MAN1C1: variants seen among roughly 807,000 people sequenced by gnomAD.
MAN1C1 encodes mannosidase alpha class 1C member 1.
A neutral mutation model predicts 71.5 loss-of-function variants in MAN1C1; 49 were observed. The ratio of observed to expected loss-of-function variants is 0.69; its 90% confidence interval spans 0.54 to 0.87. The LOEUF (loss-of-function observed/expected upper bound fraction) is 0.87. Ranked by LOEUF, MAN1C1 falls within the 40% of genes least tolerant of loss-of-function variation. The pLI is 0.00. For synonymous variants in MAN1C1, 352 were observed against 343.7 expected (o/e 1.02, Z -0.27); for missense variants, 743 against 835.0 (o/e 0.89, Z 1.36).
Position 25,778,395 on chromosome 1 carries a change from C to CAGCCTTTCCAGTG in MAN1C1, c.1477+74_1477+75insCTTTCCAGTGAGC. 1 of 1,461,198 alleles carries CAGCCTTTCCAGTG rather than the reference C, an allele frequency of 6.8e-7. No homozygotes were observed. The highest frequency in any genetic ancestry group is 1.3e-5 in the South Asian group (1 of 75,796). The allele number at this position is 1,461,198 out of a possible 1,614,324, so 90.5% of individuals were successfully genotyped here. A position where few individuals can be genotyped will look rare whatever the true frequency, so the allele number is the denominator to read the frequency against. On this transcript the variant is annotated intron_variant, in intron 9 of 11. Transcript: ENST00000374332. The surrounding 1 kb of genome is among the most constrained non-coding windows in gnomAD (Gnocchi z 5.5). ...CACCAGGAAGAACTGGAAAGACCGG[C>CAGCCTTTCCAGTG]AGCAGTGAGCGAAGGGAGCACATGG...
At chr1:25,681,842 A>C (rs1317025910) in intron 1 of MAN1C1, among the ~76,000 whole-genome samples, 1 of 152,064 alleles carries the variant, frequency 6.6e-6, no homozygotes, top group African/African-American at 2.4e-5. Context: ...AGTGGGACTA[A>C]TAGGTTTTTA....
chr1:25,661,347 A>T (rs916284054), intron 1 of MAN1C1, among the ~76,000 whole-genome samples: 1 of 152,260 alleles, frequency 6.6e-6, no homozygotes. Flanking sequence ...GGCACCAGGG[A>T]CACAGCAATG....
At position 25,783,868 on chromosome 1, in the gene MAN1C1, T is replaced by C. The variant is rs569280685; in HGVS notation, c.*79T>C. On this transcript the variant is annotated 3_prime_UTR_variant, in exon 12 of 12. Coordinates refer to ENST00000374332, the MANE Select transcript of MAN1C1 (RefSeq NM_020379.4). ...GGATTTGAGACTGTTCTCAAAGGGATTGGGAACGAAGGCCCCATCTCGGGC... is the reference window on the plus strand; with the variant it reads ...GGATTTGAGACTGTTCTCAAAGGGACTGGGAACGAAGGCCCCATCTCGGGC... 1.0e-5 allele frequency: 16 copies of C among 1,536,542 alleles called. No individual in the cohort carries two copies. Among genetic ancestry groups the C allele is most frequent in the African/African-American group, 8.2e-5 (6 of 73,292 alleles).
At chr1:25,729,700 C>T (rs187293503) in intron 2 of MAN1C1, among the ~76,000 whole-genome samples, 5 of 152,184 alleles carry the variant, frequency 3.3e-5, no homozygotes, top group African/African-American at 1.2e-4. Context: ...TTAATAGAGA[C>T]AGGGTGTCAC....
chr1:25,624,369 C>T (rs1474860416), intron 1 of MAN1C1, among the ~76,000 whole-genome samples: 1 of 151,948 alleles, frequency 6.6e-6, no homozygotes, highest in African/African-American at 2.4e-5. Context: ...ACAGAGACCA[C>T]AGCCTCAGTG....
chr1:25,662,847 G>A (rs577709040), intron 1 of MAN1C1, among the ~76,000 whole-genome samples: 2 of 152,310 alleles, frequency 1.3e-5, no homozygotes, highest in South Asian at 4.1e-4. Context: ...GGATCACGAG[G>A]TTAGGAGTTC....
chr1:25,746,805 G>T lies in MAN1C1; in HGVS notation c.753+22G>T. 1 of 1,389,654 alleles carries T rather than the reference G, an allele frequency of 7.2e-7. No homozygotes were observed. Among genetic ancestry groups the T allele is most frequent in the Non-Finnish European group, 1.0e-6 (1 of 993,924 alleles). The allele number at this position is 1,389,654 out of a possible 1,614,324, so 86.1% of individuals were successfully genotyped here. Reference sequence around the variant, plus strand: ...CGTGGTGAGTCAGAGGCCCTCGGCGGGGGAGGGGGGCGGGGGCCAGAAGAG... The same window carrying T: ...CGTGGTGAGTCAGAGGCCCTCGGCGTGGGAGGGGGGCGGGGGCCAGAAGAG... On this transcript the variant is annotated intron_variant, in intron 3 of 11. Transcript: ENST00000374332. The surrounding 1 kb of genome is among the most constrained non-coding windows in gnomAD (Gnocchi z 4.0).
chr1:25,624,421 T>C (rs2045262760), intron 1 of MAN1C1, among the ~76,000 whole-genome samples: 1 of 152,152 alleles, frequency 6.6e-6, no homozygotes, highest in African/African-American at 2.4e-5. Flanking sequence ...AGAAGGCTGT[T>C]GCCTAAGATT....
At chr1:25,729,401 T>C (rs2124296581) in intron 2 of MAN1C1, among the ~76,000 whole-genome samples, 1 of 152,188 alleles carries the variant, frequency 6.6e-6, no homozygotes, top group East Asian at 1.9e-4. Context: ...TACCAGGCAC[T>C]GCAATAAAAG....
At chr1:25,635,506 A>G (rs964002242) in intron 1 of MAN1C1, among the ~76,000 whole-genome samples, 1 of 147,302 alleles carries the variant, frequency 6.8e-6, no homozygotes, top group South Asian at 2.1e-4. Flanking sequence ...CTGGAGTGCA[A>G]TGGTGCGATC....
intron 1 of MAN1C1, among the ~76,000 whole-genome samples, chr1:25,635,589 A>G (rs1032853816): frequency 1.3e-5 from 2 of 151,952 alleles, no homozygotes; most frequent in African/African-American, 4.8e-5. Context: ...AGCTGGGATT[A>G]CAGGCATGTG....
At chr1:25,781,984 G>T (rs1193649825) in intron 10 of MAN1C1, among the ~76,000 whole-genome samples, 2 of 152,198 alleles carry the variant, frequency 1.3e-5, no homozygotes, top group Non-Finnish European at 2.9e-5. Flanking sequence ...TTGAGGGGCT[G>T]AGGCAAGAGG....
chr1:25,668,316 G>T (rs568859594), intron 1 of MAN1C1, among the ~76,000 whole-genome samples: 102 of 151,730 alleles, frequency 6.7e-4, no homozygotes, highest in African/African-American at 2.4e-3. Flanking sequence ...TCACCATTCA[G>T]AATTCTCCTG....
Position 25,778,044 on chromosome 1 carries a change from C to T in MAN1C1, c.1258-61C>T. On this transcript the variant is annotated intron_variant, in intron 8 of 11. Coordinates refer to ENST00000374332, the MANE Select transcript of MAN1C1 (RefSeq NM_020379.4). This position sits in a 1 kb window ranked among gnomAD's most constrained non-coding sequence, Gnocchi z 5.5. ...CAAAATGTTCATTTTCCATCCTTTC[C>T]CCCCCTTCTCTGTGCCCTCCCACGC... is the stretch of plus-strand genomic sequence containing the variant. The T allele has an allele frequency of 7.9e-7, 1 of 1,270,740 alleles. No individual in the cohort carries two copies. Among genetic ancestry groups the T allele is most frequent in the East Asian group, 2.4e-5 (1 of 41,560 alleles). 78.7% of individuals were successfully genotyped at this position (1,270,740 alleles called of 1,614,324 possible).
intron 8 of MAN1C1, among the ~76,000 whole-genome samples, chr1:25,774,328 G>C (rs991976786): frequency 6.6e-6 from 1 of 152,184 alleles, no homozygotes; most frequent in African/African-American, 2.4e-5. Context: ...CTCTGAGCTA[G>C]TGCTCTAAGT....
Position 25,767,671 on chromosome 1 carries a change from CCA to C in MAN1C1, c.1141+3708_1141+3709del, listed in dbSNP as rs1258898331. Among the ~76,000 whole-genome samples the C allele has an allele frequency of 6.1e-5, 8 of 131,328 alleles. No homozygotes were observed. The South Asian group carries it at 1.8e-3, about 30-fold the overall frequency. The allele number at this position is 131,328 out of a possible 152,430, so 86.2% of individuals were successfully genotyped here. A position where few individuals can be genotyped will look rare whatever the true frequency, so the allele number is the denominator to read the frequency against. On this transcript the variant is annotated intron_variant, in intron 7 of 11. Transcript: ENST00000374332. ...TCCCCCCACACACAGACCCACACAG[CCA>C]CACTCTCCTTACATACATCCACACT...
At chr1:25,660,260 G>C (rs1228193363) in intron 1 of MAN1C1, among the ~76,000 whole-genome samples, 1 of 152,012 alleles carries the variant, frequency 6.6e-6, no homozygotes, top group African/African-American at 2.4e-5. Flanking sequence ...AATTAGCTGG[G>C]CGTGGTGGCA....
At chr1:25,662,639 A>G (rs976237785) in intron 1 of MAN1C1, among the ~76,000 whole-genome samples, 1 of 152,240 alleles carries the variant, frequency 6.6e-6, no homozygotes, top group African/African-American at 2.4e-5. Flanking sequence ...TGCTTTAAAA[A>G]ATGTGATCCC....
At chr1:25,713,960 C>T (rs982608022) in intron 2 of MAN1C1, among the ~76,000 whole-genome samples, 9 of 152,192 alleles carry the variant, frequency 5.9e-5, no homozygotes, top group African/African-American at 2.2e-4. Context: ...CAAATAGACA[C>T]ACCAGCTGGC....
Sources: gnomAD v4.1 joint callset for allele counts (sites outside exome capture counted in the v4.1 genomes callset) on GRCh38, gnomAD v4.1.1 for gene constraint, Gnocchi (gnomAD v3.1) non-coding constraint, MANE v1.5 for transcripts, NCBI Gene and HGNC (gene_info 2026-07-23, HGNC 2026-07-21) for gene names.